The following CSMD3 variants were observed in gnomAD, a reference collection of about 807,000 sequenced individuals.
The protein encoded by CSMD3 is CUB and sushi domain-containing protein 3.
CSMD3 carries 177 observed loss-of-function variants against 435.2 expected under a neutral mutation model. That is an observed-to-expected ratio of 0.41 (90% CI 0.36 to 0.46). The LOEUF (loss-of-function observed/expected upper bound fraction) is 0.46. Ranked by LOEUF, CSMD3 falls within the 20% of genes least tolerant of loss-of-function variation. The pLI, the probability that CSMD3 is intolerant of heterozygous loss-of-function variation, is 0.34. For missense variants in CSMD3, 4,265 were observed against 4,504.6 expected (o/e 0.95, Z 1.52); for synonymous variants, 1,656 against 1,520.5 (o/e 1.09, Z -2.07).
intron 4 of CSMD3, among the ~76,000 whole-genome samples, chr8:113,105,497 T>C (rs911912246): frequency 6.6e-6 from 1 of 152,132 alleles, no homozygotes; most frequent in African/African-American, 2.4e-5. Flanking sequence ...TTCATTAGTG[T>C]TTGCTAAATA....
chr8:112,304,596 A>G, intron 52 of CSMD3, 125 bp downstream of exon 52: 1 of 750,684 alleles, frequency 1.3e-6, no homozygotes, highest in Non-Finnish European at 2.3e-6. Context: ...ACGTAACGAG[A>G]ATAAATGACC....
intron 18 of CSMD3, among the ~76,000 whole-genome samples, 181 bp from the exon 19 acceptor site, chr8:112,650,530 G>T (rs933232132): frequency 2.6e-5 from 4 of 152,032 alleles, no homozygotes; most frequent in African/African-American, 9.7e-5. Context: ...TACCAGTAAG[G>T]ATCAAATTCA....
At chr8:112,386,734 T>A (rs1463099737) in intron 36 of CSMD3, among the ~76,000 whole-genome samples, 2 of 151,324 alleles carry the variant, frequency 1.3e-5, no homozygotes, top group Non-Finnish European at 3.0e-5. Context: ...CCTGACCTCG[T>A]GATCCGCCCG....
intron 49 of CSMD3, among the ~76,000 whole-genome samples, chr8:112,312,398 GTGCCCACCACCA>G (rs1822066839): frequency 6.6e-6 from 1 of 151,922 alleles, no homozygotes; most frequent in Non-Finnish European, 1.5e-5. Flanking sequence ...AGGATTACAG[GTGCCCACCACCA>G]TGCCCAGCTA....
rs114272019 is a variant in CSMD3, at chr8:112,808,820, G to C, written c.1860-8546C>G. 5.3e-3 allele frequency among the ~76,000 whole-genome samples: 802 copies of C among 152,132 alleles called. 5 individuals are homozygous for C. The highest frequency in any genetic ancestry group is 0.018 in the African/African-American group (760 of 41,504). On this transcript the variant is annotated intron_variant, in intron 12 of 70. Coordinates refer to ENST00000297405, the MANE Select transcript of CSMD3 (RefSeq NM_198123.2). ...GAGGCCAAGAGAATTTTGAGCGCTA[G>C]CCGTCTCTCGGTCGCCAGCAATAAA...
chr8:112,914,154 T>A lies in CSMD3; in HGVS notation c.1633+7473A>T, dbSNP rs141124442. ...GACCAAGTGGTATTTTCATGTCCAA[T>A]GAAATTTATTTCCCAAAGGGTAATA... On this transcript the variant is annotated intron_variant, in intron 10 of 70. Transcript: ENST00000297405. 2.1e-3 allele frequency among the ~76,000 whole-genome samples: 320 copies of A among 152,102 alleles called. 1 individual carries two copies. Among genetic ancestry groups the A allele is most frequent in the African/African-American group, 7.2e-3 (298 of 41,550 alleles).
chr8:113,058,966 C>G (rs1336656959), intron 5 of CSMD3, among the ~76,000 whole-genome samples: 1 of 152,064 alleles, frequency 6.6e-6, no homozygotes, highest in Non-Finnish European at 1.5e-5. Flanking sequence ...TAACACATCA[C>G]ACTATAGCTA....
At chr8:113,221,586 ATC>A (rs1452019274) in intron 3 of CSMD3, among the ~76,000 whole-genome samples, 1 of 151,276 alleles carries the variant, frequency 6.6e-6, no homozygotes, top group Non-Finnish European at 1.5e-5. Flanking sequence ...TAAGCGCTTA[ATC>A]TGTTTTGGTT....
intron 32 of CSMD3, among the ~76,000 whole-genome samples, chr8:112,464,236 T>TTAAAAAAAAAAAAAA (rs1817729945): frequency 6.8e-5 from 8 of 117,950 alleles, no homozygotes; most frequent in African/African-American, 2.9e-4. Flanking sequence ...AGACTCTGTT[T>TTAAAAAAAAAAAAAA]CAAAAAAAAA....
At chr8:113,244,229 A>C (rs1251553753) in intron 3 of CSMD3, among the ~76,000 whole-genome samples, 4 of 152,216 alleles carry the variant, frequency 2.6e-5, no homozygotes, top group African/African-American at 9.6e-5. Flanking sequence ...ATCATCGCCT[A>C]ATGCAAAGTC....
intron 19 of CSMD3, among the ~76,000 whole-genome samples, chr8:112,647,107 C>G (rs2075001062): frequency 2.0e-5 from 3 of 152,066 alleles, no homozygotes. Flanking sequence ...GTTCCAGGGT[C>G]TATGATCTCA....
rs201340298 is a variant in CSMD3, at chr8:112,433,694, AAAG to A, written c.5396-24665_5396-24663del. 5.1e-3 allele frequency among the ~76,000 whole-genome samples: 780 copies of A among 151,572 alleles called. 12 individuals carry two copies. The highest frequency in any genetic ancestry group is 0.018 in the African/African-American group (728 of 41,382). On this transcript the variant is annotated intron_variant, in intron 32 of 70. Coordinates refer to ENST00000297405, the MANE Select transcript of CSMD3 (RefSeq NM_198123.2). ...AAAAGAAAGAAAGAAAGAAAAAAGA[AAAG>A]AAGAAGAAAAAAACCTACAACAAAC...
intron 3 of CSMD3, among the ~76,000 whole-genome samples, chr8:113,262,326 A>G (rs887022676): frequency 6.6e-5 from 10 of 152,108 alleles, no homozygotes; most frequent in African/African-American, 2.2e-4. Flanking sequence ...GATTAATTAT[A>G]AAATGCATCT....
intron 45 of CSMD3, among the ~76,000 whole-genome samples, chr8:112,325,559 A>G (rs924877928): frequency 2.6e-5 from 4 of 152,182 alleles, no homozygotes; most frequent in Non-Finnish European, 5.9e-5. Context: ...TCTTTAGGGC[A>G]TAATCCAGTG....
At chr8:113,302,180 A>G (rs1044102681) in intron 2 of CSMD3, among the ~76,000 whole-genome samples, 2 of 145,730 alleles carry the variant, frequency 1.4e-5, no homozygotes, top group Non-Finnish European at 3.0e-5. Flanking sequence ...CTTGAAACAG[A>G]TATCAATACT....
intron 1 of CSMD3, among the ~76,000 whole-genome samples, chr8:113,315,329 T>G (rs2093901052): frequency 6.6e-6 from 1 of 152,120 alleles, no homozygotes; most frequent in Admixed American, 6.6e-5. Context: ...TTTTAAAGTC[T>G]ATGAAATGGC....
chr8:113,382,706 G>A (rs1333356924), intron 1 of CSMD3, among the ~76,000 whole-genome samples: 13 of 152,068 alleles, frequency 8.5e-5, no homozygotes, highest in African/African-American at 2.4e-4. Flanking sequence ...TTGGCCAGGC[G>A]TGGTGGCTCA....
chr8:112,244,596 T>C lies in CSMD3; in HGVS notation c.10223-23A>G, dbSNP rs140029823. On this transcript the variant is annotated intron_variant, in intron 64 of 70. Transcript: ENST00000297405. ...GGGCTATATTAAGAAAAGAGAACAA[T>C]GTAAATTTTCTATAGATATGTTAAG... 197 of 1,608,994 alleles carry C rather than the reference T, an allele frequency of 1.2e-4. No homozygotes were observed. The African/African-American group carries it at 2.5e-3, about 20-fold the overall frequency.
At chr8:113,100,934 A>C (rs1455796560) in intron 4 of CSMD3, among the ~76,000 whole-genome samples, 1 of 151,994 alleles carries the variant, frequency 6.6e-6, no homozygotes, top group Non-Finnish European at 1.5e-5. Flanking sequence ...TGAGATGGAG[A>C]AGTCGGTCTC....
Sources: gnomAD v4.1 joint callset for allele counts (sites outside exome capture counted in the v4.1 genomes callset) on GRCh38, gnomAD v4.1.1 for gene constraint, MANE v1.5 for transcripts, NCBI Gene and HGNC (gene_info 2026-07-23, HGNC 2026-07-21) for gene names.